TRIP12: variants seen among roughly 807,000 people sequenced by gnomAD.
TRIP12 encodes the protein thyroid hormone receptor interactor 12, also known as E3 ubiquitin-protein ligase TRIP12.
In TRIP12, 25 loss-of-function variants were observed where a neutral mutation model predicts 244.2. The ratio of observed to expected loss-of-function variants is 0.10; its 90% CI spans 0.07 to 0.14. The LOEUF (loss-of-function observed/expected upper bound fraction) is 0.14, where lower values mean the gene tolerates loss of function less well. Ranked by LOEUF, TRIP12 falls within the 10% of genes least tolerant of loss-of-function variation. The probability of loss-of-function intolerance (pLI) is 1.00; values close to 1 mark genes in which losing one functional copy is unlikely to be tolerated. For synonymous variants in TRIP12, 905 were observed against 873.1 expected (o/e 1.04, Z -0.64); for missense variants, 1,677 against 2,486.4 (o/e 0.67, Z 6.92).
At chr2:229,875,103 AC>A (rs1381923310) in intron 2 of TRIP12, among the ~76,000 whole-genome samples, 5 of 152,324 alleles carry the variant, frequency 3.3e-5, no homozygotes, top group African/African-American at 7.2e-5. Context: ...AAAGAGAGGA[AC>A]AGGTCAGCTA....
intron 1 of TRIP12, among the ~76,000 whole-genome samples, chr2:229,891,107 C>A (rs565167040): frequency 2.6e-4 from 40 of 152,010 alleles, no homozygotes; most frequent in Non-Finnish European, 5.3e-4. Context: ...TAAGGAGACC[C>A]CATCTCTACA....
intron 1 of TRIP12, among the ~76,000 whole-genome samples, chr2:229,905,809 C>A (rs781401645): frequency 6.6e-6 from 1 of 152,148 alleles, no homozygotes; most frequent in Non-Finnish European, 1.5e-5. Context: ...GGAGAGAACA[C>A]ATGCACTGCA....
intron 8 of TRIP12, among the ~76,000 whole-genome samples, chr2:229,826,810 T>TAAAA (rs1175538082): frequency 1.3e-5 from 2 of 152,058 alleles, no homozygotes; most frequent in African/African-American, 4.8e-5. Flanking sequence ...TATAAAAGAT[T>TAAAA]AAAAAATGGT....
chr2:229,859,041 G>C lies in TRIP12; in HGVS notation c.758C>G (p.Ser253Trp), dbSNP rs755905858. Residue 253 changes from serine (S) to tryptophan (W), a missense_variant, in exon 4 of 42, where the codon TCG (serine) becomes TGG (tryptophan). Ser to Trp is a radical substitution (Grantham distance 177). This residue lies in a region of TRIP12 where 387 missense variants were observed against 392.6 expected (regional missense o/e 0.99). Transcript: ENST00000675903. ...STSSSSSAVA[S>W]ASSTVPPGAR... ...ACCTGGTGGTACAGTGGAGGAGGCC[G>C]AGGCTACAGCAGAAGACGAGGAGGA... 6.2e-7 allele frequency: 1 copy of C among 1,614,058 alleles called. No individual in the cohort carries two copies. Among genetic ancestry groups the C allele is most frequent in the South Asian group, 1.1e-5 (1 of 91,084 alleles).
At chr2:229,826,586 C>T (rs1333534236) in intron 8 of TRIP12, among the ~76,000 whole-genome samples, 1 of 152,018 alleles carries the variant, frequency 6.6e-6, no homozygotes, top group Non-Finnish European at 1.5e-5. Context: ...CTGAGAAATG[C>T]TTTCTTGACC....
At chr2:229,812,822 CA>C (rs147455503) in intron 13 of TRIP12, among the ~76,000 whole-genome samples, 20,286 of 151,564 alleles carry the variant, frequency 0.13, 1,416 homozygotes, top group Admixed American at 0.19. Context: ...CAAAACAGAA[CA>C]AAAAAAAATT....
intron 38 of TRIP12, 47 bp from the exon 39 acceptor site, chr2:229,771,679 C>A: frequency 6.9e-7 from 1 of 1,440,768 alleles, no homozygotes; most frequent in African/African-American, 1.4e-5. Flanking sequence ...TTTCAAATCT[C>A]TTTACTATTT....
intron 2 of TRIP12, among the ~76,000 whole-genome samples, chr2:229,862,944 G>A (rs907116787): frequency 1.3e-5 from 2 of 152,104 alleles, no homozygotes; most frequent in Non-Finnish European, 2.9e-5. Flanking sequence ...ATTCAGCAAT[G>A]CCCAGCAGGG....
rs1297506126 is a variant in TRIP12, at chr2:229,799,303, T to A, written c.3287A>T (p.Asp1096Val). Residue 1096 changes from aspartate to valine, a missense_variant, in exon 22 of 42, where the codon GAT becomes GTT. Asp to Val is a radical substitution (Grantham distance 152). Coordinates refer to ENST00000675903, the MANE Select transcript of TRIP12 (RefSeq NM_001348323.3). ...RRPKYSPPRD[D>V]DKVDNQAKSP... Reference sequence around the variant, plus strand: ...GTTACCTTGATTGTCTACTTTGTCATCATCTCTTGGAGGTGAGTACTTTGG... The same window carrying A: ...GTTACCTTGATTGTCTACTTTGTCAACATCTCTTGGAGGTGAGTACTTTGG... 6.2e-7 allele frequency: 1 copy of A among 1,614,190 alleles called. No homozygotes were observed. Among genetic ancestry groups the A allele is most frequent in the Admixed American group, 1.7e-5 (1 of 60,030 alleles).
chr2:229,905,666 T>C (rs752487949), intron 1 of TRIP12, among the ~76,000 whole-genome samples: 1 of 152,210 alleles, frequency 6.6e-6, no homozygotes, highest in African/African-American at 2.4e-5. Context: ...AGCCACATAA[T>C]GCAAGCCTTT....
rs903434186 is a variant in TRIP12, at chr2:229,831,048, G to A, written c.1271-209C>T. The stretch of plus-strand genomic sequence containing the variant: ...GCTCAACTATTTTAGTATTAAAAAG[G>A]TTGTATTTTTATGCTTGTTTTTCAT... On this transcript the variant is annotated intron_variant, in intron 6 of 41. Coordinates refer to ENST00000675903, the MANE Select transcript of TRIP12 (RefSeq NM_001348323.3). 9 of 696,190 alleles carry A rather than the reference G, an allele frequency of 1.3e-5. No individual in the cohort carries two copies. In the Admixed American group the frequency reaches 1.8e-4, roughly 14 times the overall value. 43.1% of individuals were successfully genotyped at this position (696,190 alleles called of 1,614,324 possible).
chr2:229,904,262 AC>A (rs1230912457), intron 1 of TRIP12, among the ~76,000 whole-genome samples: 1 of 151,914 alleles, frequency 6.6e-6, no homozygotes, highest in African/African-American at 2.4e-5. Context: ...TACTAAAACT[AC>A]AAAAATTAGC....
At chr2:229,916,187 A>G (rs577195858) in intron 1 of TRIP12, among the ~76,000 whole-genome samples, 51 of 152,314 alleles carry the variant, frequency 3.3e-4, no homozygotes, top group Non-Finnish European at 4.6e-4. Context: ...AGGTGGTAAT[A>G]ATCAAATTTT....
intron 1 of TRIP12, among the ~76,000 whole-genome samples, chr2:229,892,981 G>A (rs1332100172): frequency 6.6e-6 from 1 of 152,104 alleles, no homozygotes; most frequent in Non-Finnish European, 1.5e-5. Flanking sequence ...TGTAAAACAG[G>A]CTAGTTACAC....
intron 4 of TRIP12, among the ~76,000 whole-genome samples, chr2:229,852,379 A>T: frequency 6.6e-6 from 1 of 152,158 alleles, no homozygotes; most frequent in Non-Finnish European, 1.5e-5. Flanking sequence ...TTTTTAAATT[A>T]GCTTTTATAA....
At chr2:229,922,675 G>T (rs910750924), upstream of TRIP12, 4 of 1,535,174 alleles carry the variant, frequency 2.6e-6, no homozygotes, top group Non-Finnish European at 3.6e-6. Context: ...GGCCCGGGAC[G>T]CAGGCTGTGC....
chr2:229,777,184 C>T (rs1400563091), intron 37 of TRIP12, 131 bp downstream of exon 37: 2 of 1,051,668 alleles, frequency 1.9e-6, no homozygotes, highest in African/African-American at 1.6e-5. Flanking sequence ...TTAGTTAGTA[C>T]AATAAAAGAA....
rs545969958 is a variant in TRIP12 at position 229,804,234 on chromosome 2, C to T, written c.2651-7G>A. The stretch of plus-strand genomic sequence containing the variant: ...TTTGACTCTGAATATCCACCTATTA[C>T]ATTAAAAAAAAATATATGTGCAATC... On this transcript the variant is annotated splice_polypyrimidine_tract_variant and splice_region_variant and intron_variant, in intron 18 of 41. Transcript: ENST00000675903. 8.1e-6 allele frequency: 13 copies of T among 1,599,436 alleles called. No homozygotes were observed. The East Asian group carries it at 1.3e-4, about 16-fold the overall frequency.
At chr2:229,889,199 G>A (rs975704500) in intron 1 of TRIP12, among the ~76,000 whole-genome samples, 3 of 152,198 alleles carry the variant, frequency 2.0e-5, no homozygotes, top group African/African-American at 2.4e-5. Flanking sequence ...AAGGAAGTAC[G>A]TGCCTAACTT....
Sources: gnomAD v4.1 joint callset for allele counts (sites outside exome capture counted in the v4.1 genomes callset) on GRCh38, gnomAD v4.1.1 for gene constraint, gnomAD v4.1.1 regional missense constraint, MANE v1.5 for transcripts, NCBI Gene and HGNC (gene_info 2026-07-23, HGNC 2026-07-21) for gene names.